Variants in CREB3L2 observed in about 807,000 individuals in gnomAD.
CREB3L2 encodes the protein cAMP responsive element binding protein 3 like 2, also known as cyclic AMP-responsive element-binding protein 3-like protein 2.
A neutral mutation model predicts 57.2 loss-of-function variants in CREB3L2; 23 were observed. The ratio of observed to expected loss-of-function variants is 0.40; its 90% confidence interval spans 0.29 to 0.57. CREB3L2 has a LOEUF of 0.57. CREB3L2 is among the 20% of genes least tolerant of loss of function. CREB3L2 has a pLI of 0.42. For synonymous variants in CREB3L2, 268 were observed against 265.1 expected (o/e 1.01, Z -0.11); for missense variants, 628 against 634.7 (o/e 0.99, Z 0.11).
At chr7:137,922,404 A>ATATATATG (rs1800321241) in intron 2 of CREB3L2, among the ~76,000 whole-genome samples, 6 of 21,444 alleles carry the variant, frequency 2.8e-4, no homozygotes, top group South Asian at 1.6e-3. Context: ...ATATATATAT[A>ATATATATG]TATATATATA....
At chr7:137,942,608 CTCTT>C (rs1304135952) in intron 1 of CREB3L2, among the ~76,000 whole-genome samples, 2 of 152,036 alleles carry the variant, frequency 1.3e-5, no homozygotes, top group African/African-American at 2.4e-5. Flanking sequence ...CCATAATATT[CTCTT>C]TCTAAGAAAG....
chr7:137,997,717 G>C (rs1802010055), intron 1 of CREB3L2, among the ~76,000 whole-genome samples: 1 of 141,792 alleles, frequency 7.1e-6, no homozygotes, highest in Non-Finnish European at 1.5e-5. Context: ...GTCAGAACAA[G>C]ACCCATCTCA....
At chr7:137,920,423 C>G (rs1800247235) in intron 2 of CREB3L2, among the ~76,000 whole-genome samples, 1 of 152,204 alleles carries the variant, frequency 6.6e-6, no homozygotes, top group African/African-American at 2.4e-5. Flanking sequence ...CAACTATTAG[C>G]TGACCTTAGA....
At chr7:137,992,035 A>G (rs1347011782) in intron 1 of CREB3L2, among the ~76,000 whole-genome samples, 1 of 152,194 alleles carries the variant, frequency 6.6e-6, no homozygotes, top group Non-Finnish European at 1.5e-5. Context: ...TCTTTAAAAA[A>G]AAATCCCCAA....
chr7:137,901,874 C>CAAAAAAAAAAA (rs59855306), intron 7 of CREB3L2, among the ~76,000 whole-genome samples: 10 of 57,818 alleles, frequency 1.7e-4, no homozygotes, highest in Admixed American at 2.9e-4. Flanking sequence ...AGATCTGTCT[C>CAAAAAAAAAAA]AAAAAAAAAA....
intron 1 of CREB3L2, among the ~76,000 whole-genome samples, chr7:137,971,059 A>G (rs544779348): frequency 6.6e-6 from 1 of 152,334 alleles, no homozygotes; most frequent in East Asian, 1.9e-4. Context: ...GTTAGCACAC[A>G]TATTAAGAGA....
At chr7:137,953,892 G>T (rs904418738) in intron 1 of CREB3L2, among the ~76,000 whole-genome samples, 1 of 152,202 alleles carries the variant, frequency 6.6e-6, no homozygotes, top group East Asian at 1.9e-4. Context: ...ACACAGCCCA[G>T]TAAGATCACA....
chr7:137,987,544 C>T (rs540861817), intron 1 of CREB3L2, among the ~76,000 whole-genome samples: 3 of 152,380 alleles, frequency 2.0e-5, no homozygotes, highest in Middle Eastern at 3.4e-3. Flanking sequence ...GTGACCCCAG[C>T]TTATGACTCC....
At chr7:137,908,945 A>C (rs961732912) in intron 4 of CREB3L2, among the ~76,000 whole-genome samples, 10 of 151,978 alleles carry the variant, frequency 6.6e-5, no homozygotes, top group Non-Finnish European at 1.5e-4. Context: ...TAAAATACAA[A>C]AAAAATTAGC....
In CREB3L2 at chr7:137,885,495, G is replaced by T; in HGVS notation, c.1051C>A (p.Leu351Ile). 1.2e-6 allele frequency: 2 copies of T among 1,613,432 alleles called. No individual in the cohort carries two copies. Among genetic ancestry groups the T allele is most frequent in the Non-Finnish European group, 1.7e-6 (2 of 1,179,400 alleles). ...EVLENTNRTL[L>I]QQLQKLQTLV... ...GTCTGAAGCTTCTGGAGTTGCTGAA[G>T]GAGAGTCCTGCCAATGATAACAACA... Residue 351 changes from leucine to isoleucine, a missense_variant, in exon 9 of 12, where the codon CTT becomes ATT. Around this residue, in one of 3 missense-constraint regions of CREB3L2, gnomAD observed 272 missense variants for 242.7 expected, o/e 1.12. Coordinates refer to ENST00000330387, the MANE Select transcript of CREB3L2 (RefSeq NM_194071.4).
At chr7:137,916,933 T>G (rs1412777079) in intron 2 of CREB3L2, among the ~76,000 whole-genome samples, 1 of 152,108 alleles carries the variant, frequency 6.6e-6, no homozygotes, top group East Asian at 1.9e-4. Context: ...TTATTTGGTT[T>G]TTTGATATTT....
At chr7:137,938,067 G>A (rs1285840980) in intron 1 of CREB3L2, among the ~76,000 whole-genome samples, 5 of 152,086 alleles carry the variant, frequency 3.3e-5, no homozygotes, top group African/African-American at 1.2e-4. Context: ...TTAGGGCAGT[G>A]GAACTCTGAC....
chr7:137,936,449 G>A (rs747226187), intron 1 of CREB3L2, among the ~76,000 whole-genome samples: 4 of 152,200 alleles, frequency 2.6e-5, no homozygotes, highest in Admixed American at 6.5e-5. Flanking sequence ...CTCTGTGTGT[G>A]TGCGTGTGTG....
In CREB3L2 at chr7:137,893,751, A is replaced by G. The variant is rs533093760; in HGVS notation, c.1043+7603T>C. On this transcript the variant is annotated intron_variant, in intron 8 of 11. Transcript: ENST00000330387. ...ACTATAGCTAAGAGGAAGATCAAAG[A>G]AAAAGATTAAGGAATTTTATTTCTG... is the stretch of plus-strand genomic sequence containing the variant. Among the ~76,000 whole-genome samples, 3 of 152,366 alleles carry G rather than the reference A, an allele frequency of 2.0e-5. No individual in the cohort carries two copies. In the East Asian group the frequency reaches 5.8e-4, roughly 29 times the overall value.
At chr7:137,990,237 C>T (rs1354377225) in intron 1 of CREB3L2, among the ~76,000 whole-genome samples, 3 of 152,186 alleles carry the variant, frequency 2.0e-5, no homozygotes, top group Admixed American at 6.5e-5. Context: ...ACTTTTTCCA[C>T]GTTCCTATTC....
At chr7:137,904,064 A>G (rs1230344793) in intron 6 of CREB3L2, 47 bp from the exon 7 acceptor site, 2 of 1,500,414 alleles carry the variant, frequency 1.3e-6, no homozygotes, top group Non-Finnish European at 1.9e-6. Context: ...CAGCTCTGTA[A>G]GTAAACCAGT....
intron 1 of CREB3L2, among the ~76,000 whole-genome samples, chr7:137,998,977 T>A (rs1021276608): frequency 6.6e-6 from 1 of 152,010 alleles, no homozygotes; most frequent in Non-Finnish European, 1.5e-5. Context: ...AACCTCACCC[T>A]CCCCTCAGGC....
chr7:137,885,023 G>A lies in CREB3L2; in HGVS notation c.1242C>T (p.Ser414=). Residue 414 remains serine, a synonymous_variant, in exon 10 of 12, where the codon TCC becomes TCT. Coordinates refer to ENST00000330387, the MANE Select transcript of CREB3L2 (RefSeq NM_194071.4). ...ATKMALPSQH[S]LQEPYTASVV... ...CGGAGGCTGTGTAGGGCTCCTGCAG[G>A]GAATGCTGGCTGGGCAGAGCCATCT... is the stretch of plus-strand genomic sequence containing the variant. 2 of 1,614,182 alleles carry A rather than the reference G, an allele frequency of 1.2e-6. 1 individual carries two copies. Among genetic ancestry groups the A allele is most frequent in the South Asian group, 2.2e-5 (2 of 91,084 alleles).
At chr7:137,967,239 T>C (rs1397723538) in intron 1 of CREB3L2, among the ~76,000 whole-genome samples, 1 of 152,206 alleles carries the variant, frequency 6.6e-6, no homozygotes, top group Non-Finnish European at 1.5e-5. Flanking sequence ...GAAATAAACG[T>C]CTGCTGTTTA....
Sources: allele counts gnomAD v4.1 joint callset (sites outside exome capture counted in the v4.1 genomes callset), GRCh38; gene constraint gnomAD v4.1.1; regional missense constraint gnomAD v4.1.1; transcripts MANE v1.5; gene names NCBI Gene and HGNC (gene_info 2026-07-23, HGNC 2026-07-21).